The following IKBKB-DT variants were observed in gnomAD, a reference collection of about 807,000 sequenced individuals.
IKBKB-DT encodes the protein IKBKB antisense RNA.
chr8:42,253,817 A>T (rs1807159862), intron 3 of IKBKB-DT, among the ~76,000 whole-genome samples: 1 of 152,200 alleles, frequency 6.6e-6, no homozygotes, highest in Non-Finnish European at 1.5e-5. Context: ...CATCCACCCT[A>T]CTGCTGTGCC....
intron 3 of IKBKB-DT, among the ~76,000 whole-genome samples, chr8:42,250,315 A>C (rs1807115858): frequency 2.0e-5 from 3 of 152,170 alleles, no homozygotes. Flanking sequence ...GGTATCAGAC[A>C]TACAAAAAAA....
At chr8:42,236,366 C>G (rs748049175) in intron 3 of IKBKB-DT, among the ~76,000 whole-genome samples, 3 of 152,084 alleles carry the variant, frequency 2.0e-5, no homozygotes, top group Non-Finnish European at 4.4e-5. Flanking sequence ...AGTTTAATAT[C>G]TCTCTGTAAA....
intron 1 of IKBKB-DT, among the ~76,000 whole-genome samples, chr8:42,269,346 A>AAAAGG (rs938430704): frequency 6.8e-6 from 1 of 146,264 alleles, no homozygotes; most frequent in Non-Finnish European, 1.5e-5. Context: ...AAAAGGAAAG[A>AAAAGG]AAAGGAAAGG....
At chr8:42,241,245 T>TGCC (rs1806999571) in intron 3 of IKBKB-DT, among the ~76,000 whole-genome samples, 2 of 77,552 alleles carry the variant, frequency 2.6e-5, no homozygotes, top group African/African-American at 7.4e-5. Flanking sequence ...TTTTTTTTTT[T>TGCC]TTTTTTTTTT....
At chr8:42,271,095 G>A in exon 1 of IKBKB-DT, 1 of 421,360 alleles carries the variant, frequency 2.4e-6, no homozygotes, top group South Asian at 2.4e-5. Flanking sequence ...AGGGTGTAAC[G>A]GGGGTCATTT....
At chr8:42,244,648 C>A (rs1807041174) in intron 3 of IKBKB-DT, among the ~76,000 whole-genome samples, 1 of 152,094 alleles carries the variant, frequency 6.6e-6, no homozygotes, top group Non-Finnish European at 1.5e-5. Context: ...CTAAGTGATC[C>A]TTCTGATTCA....
At chr8:42,245,995 A>G (rs746942659) in intron 3 of IKBKB-DT, among the ~76,000 whole-genome samples, 1 of 152,186 alleles carries the variant, frequency 6.6e-6, no homozygotes, top group African/African-American at 2.4e-5. Context: ...TCCTGCTGTT[A>G]AAAAGAATAA....
chr8:42,241,354 T>C (rs1374963779), intron 3 of IKBKB-DT, among the ~76,000 whole-genome samples: 1 of 149,978 alleles, frequency 6.7e-6, no homozygotes, highest in Non-Finnish European at 1.5e-5. Flanking sequence ...GGCTACTTGA[T>C]GTTAATTATG....
At chr8:42,258,306 G>GT (rs143046884) in intron 3 of IKBKB-DT, among the ~76,000 whole-genome samples, 9,654 of 151,482 alleles carry the variant, frequency 0.064, 826 homozygotes, top group African/African-American at 0.19. Context: ...TCTATTCAGG[G>GT]TTTTTTTTGT....
intron 3 of IKBKB-DT, among the ~76,000 whole-genome samples, chr8:42,240,783 T>G (rs1003902957): frequency 1.3e-5 from 2 of 151,998 alleles, no homozygotes; most frequent in African/African-American, 4.8e-5. Flanking sequence ...GAGGTCAGCC[T>G]GGCCAATATG....
chr8:42,257,743 G>T (rs1240398668), intron 3 of IKBKB-DT, among the ~76,000 whole-genome samples: 3 of 152,010 alleles, frequency 2.0e-5, no homozygotes, highest in Admixed American at 2.0e-4. Context: ...ACATCAGCCT[G>T]GGCAGCATAG....
intron 3 of IKBKB-DT, among the ~76,000 whole-genome samples, chr8:42,247,297 G>T (rs1485799735): frequency 6.6e-6 from 1 of 152,220 alleles, no homozygotes; most frequent in African/African-American, 2.4e-5. Context: ...TTTAATGACT[G>T]CCCTGCTGGA....
chr8:42,258,568 A>C (rs1370318395), intron 3 of IKBKB-DT, among the ~76,000 whole-genome samples: 3 of 151,046 alleles, frequency 2.0e-5, no homozygotes, highest in Admixed American at 6.6e-5. Flanking sequence ...TCCTGGATTC[A>C]CGCCATTCTC....
At chr8:42,261,222 G>T (rs879359911) in intron 3 of IKBKB-DT, among the ~76,000 whole-genome samples, 5 of 152,218 alleles carry the variant, frequency 3.3e-5, no homozygotes, top group Admixed American at 3.3e-4. Context: ...AGTTACTCAG[G>T]AGGCTGAGAT....
intron 3 of IKBKB-DT, among the ~76,000 whole-genome samples, chr8:42,235,207 T>TC (rs1255693650): frequency 7.3e-6 from 1 of 137,022 alleles, no homozygotes; most frequent in African/African-American, 2.7e-5. Flanking sequence ...TTTATTTTCT[T>TC]TTTTTTTTTT....
intron 3 of IKBKB-DT, among the ~76,000 whole-genome samples, chr8:42,240,497 C>T (rs1408615371): frequency 4.6e-5 from 7 of 151,268 alleles, no homozygotes; most frequent in Admixed American, 2.6e-4. Flanking sequence ...TGGTGGTGGA[C>T]GCCTGTAGTC....
At chr8:42,267,704 A>T (rs1807393881) in intron 1 of IKBKB-DT, among the ~76,000 whole-genome samples, 1 of 152,158 alleles carries the variant, frequency 6.6e-6, no homozygotes, top group African/African-American at 2.4e-5. Flanking sequence ...CTGAATCTGA[A>T]AATATCTTTT....
intron 3 of IKBKB-DT, among the ~76,000 whole-genome samples, chr8:42,256,984 G>T (rs981835784): frequency 6.6e-6 from 1 of 152,112 alleles, no homozygotes; most frequent in African/African-American, 2.4e-5. Flanking sequence ...TAAAGGATGA[G>T]AATTAATTGT....
chr8:42,263,537 G>C (rs1807319740), intron 2 of IKBKB-DT: 1 of 152,168 alleles, frequency 6.6e-6, no homozygotes, highest in African/African-American at 2.4e-5. Context: ...GTATATTTCA[G>C]GTATACATAG....
Sources: allele counts gnomAD v4.1 joint callset (sites outside exome capture counted in the v4.1 genomes callset), GRCh38; gene constraint gnomAD v4.1.1; transcripts MANE v1.5; gene names NCBI Gene and HGNC (gene_info 2026-07-23, HGNC 2026-07-21).